The following ZCCHC4 variants were observed in gnomAD, a reference collection of about 807,000 sequenced individuals.
ZCCHC4 encodes zinc finger CCHC-type containing 4.
A neutral mutation model predicts 67.7 loss-of-function variants in ZCCHC4; 54 were observed. The observed-to-expected ratio is 0.80, with a 90% confidence interval of 0.64 to 1.00. The LOEUF (loss-of-function observed/expected upper bound fraction) is 1.00. Among genes scored for constraint, ZCCHC4 ranks in the 50% least tolerant of loss-of-function variants. ZCCHC4 has a pLI of 0.00. For synonymous variants in ZCCHC4, 198 were observed against 213.5 expected (o/e 0.93, Z 0.63); for missense variants, 609 against 617.0 (o/e 0.99, Z 0.14).
At position 25,369,076 on chromosome 4, in the gene ZCCHC4, A is replaced by T. The variant is rs1179792644; in HGVS notation, c.1454A>T (p.Glu485Val). The T allele has an allele frequency of 1.2e-6, 2 of 1,613,472 alleles. No individual in the cohort carries two copies. ...AGAAAAAGTAATAAGATGAAAATGG[A>T]GACCACGAAAGGACAATCCATGAAT... ...KQRKSNKMKM[E>V]TTKGQSMNHT... The change falls in exon 13 of 13, where the codon GAG becomes GTG. Residue 485 changes from glutamate (E) to valine (V), a missense_variant. By Grantham distance (121) the Glu-to-Val change is moderately radical. Transcript: ENST00000302874.
intron 2 of ZCCHC4, 48 bp from the exon 3 acceptor site, chr4:25,315,270 T>C (rs757070450): frequency 5.3e-6 from 8 of 1,511,718 alleles, no homozygotes; most frequent in Non-Finnish European, 6.3e-6. Flanking sequence ...TCTTCTAGGA[T>C]GATAGATATT....
intron 3 of ZCCHC4, among the ~76,000 whole-genome samples, chr4:25,323,773 CA>C (rs1718706495): frequency 6.6e-6 from 1 of 152,094 alleles, no homozygotes. Context: ...ATAAATTGCA[CA>C]TATTTAAAAT....
At chr4:25,339,353 G>T (rs1053625153) in intron 5 of ZCCHC4, among the ~76,000 whole-genome samples, 1 of 152,114 alleles carries the variant, frequency 6.6e-6, no homozygotes, top group Non-Finnish European at 1.5e-5. Context: ...ACCTTCCTGG[G>T]GAACAGCCAA....
At chr4:25,345,505 C>T in intron 5 of ZCCHC4, 43 bp from the exon 6 acceptor site, 1 of 1,073,042 alleles carries the variant, frequency 9.3e-7, no homozygotes, top group Non-Finnish European at 1.4e-6. Flanking sequence ...TTTGTCTACT[C>T]TATAGCTGTG....
rs766400497 is a variant in ZCCHC4 at position 25,315,342 on chromosome 4, C to G, written c.271C>G (p.Arg91Gly). The G allele has an allele frequency of 1.9e-6, 3 of 1,612,676 alleles. No homozygotes were observed. The highest frequency in any genetic ancestry group is 2.5e-6 in the Non-Finnish European group (3 of 1,179,216). The change falls in exon 3 of 13, where the codon CGA (arginine) becomes GGA (glycine). Residue 91 changes from arginine (R) to glycine (G), a missense_variant. Transcript: ENST00000302874. ...EKLSGARLAAREAHNRRCQPP... is the reference protein window; with the variant it reads ...EKLSGARLAAGEAHNRRCQPP... ...GTTGTCAGGAGCTAGACTTGCTGCC[C>G]GAGAAGCTCATAACCGAAGATGTCA...
chr4:25,317,949 A>G lies in ZCCHC4; in HGVS notation c.329+2549A>G, dbSNP rs572314169. Among the ~76,000 whole-genome samples, 179 of 152,328 alleles carry G rather than the reference A, an allele frequency of 1.2e-3. No individual in the cohort carries two copies. In the Middle Eastern group the frequency reaches 0.014, roughly 12 times the overall value. ...TAAATGTAAAAGCAGATAGTAATAT[A>G]TGATGCATAGTGATTTAATTTGAGG... On this transcript the variant is annotated intron_variant, in intron 3 of 12. Coordinates refer to ENST00000302874, the MANE Select transcript of ZCCHC4 (RefSeq NM_024936.3).
At chr4:25,358,135 A>C (rs1460022201) in intron 8 of ZCCHC4, among the ~76,000 whole-genome samples, 2 of 152,228 alleles carry the variant, frequency 1.3e-5, no homozygotes, top group Non-Finnish European at 2.9e-5. Context: ...CTTTCAAGAT[A>C]ATCTGCTGAA....
chr4:25,330,077 C>T (rs548669933), intron 3 of ZCCHC4, among the ~76,000 whole-genome samples: 16 of 152,072 alleles, frequency 1.1e-4, no homozygotes, highest in South Asian at 1.0e-3. Context: ...CAGTAGCCTC[C>T]GTCCCTGTGT....
Position 25,334,005 on chromosome 4 carries a change from C to A in ZCCHC4, c.686+17C>A. 1.3e-6 allele frequency: 2 copies of A among 1,511,882 alleles called. No individual in the cohort carries two copies. The highest frequency in any genetic ancestry group is 1.8e-6 in the Non-Finnish European group (2 of 1,107,818). 93.7% of individuals were successfully genotyped at this position (1,511,882 alleles called of 1,614,324 possible). A position where few individuals can be genotyped will look rare whatever the true frequency, so the allele number is the denominator to read the frequency against. On this transcript the variant is annotated intron_variant, in intron 5 of 12. Transcript: ENST00000302874. ...TGATTTTCGGTAGGTTTACAAAATA[C>A]AGTATTTCCTTTCATTGTCTCCTGT...
At chr4:25,361,313 A>AT in intron 8 of ZCCHC4, among the ~76,000 whole-genome samples, 1 of 152,328 alleles carries the variant, frequency 6.6e-6, no homozygotes, top group Non-Finnish European at 1.5e-5. Flanking sequence ...CCCTATGGGC[A>AT]TGTGTCCCTG....
chr4:25,329,589 C>T (rs546173135), intron 3 of ZCCHC4, among the ~76,000 whole-genome samples: 135 of 142,500 alleles, frequency 9.5e-4, no homozygotes, highest in African/African-American at 3.5e-3. Context: ...GGCTGGAGTG[C>T]AGTGGCGTGA....
chr4:25,318,444 C>A (rs1311288173), intron 3 of ZCCHC4, among the ~76,000 whole-genome samples: 1 of 148,822 alleles, frequency 6.7e-6, no homozygotes, highest in South Asian at 2.1e-4. Context: ...GCCACCTCCA[C>A]GTCCTGGTTT....
In ZCCHC4 at chr4:25,358,687, C is replaced by T. The variant is rs533040421; in HGVS notation, c.1012-3172C>T. On this transcript the variant is annotated intron_variant, in intron 8 of 12. Coordinates refer to ENST00000302874, the MANE Select transcript of ZCCHC4 (RefSeq NM_024936.3). ...GGCCAAGGCAGCTTTCCAGCCGCAGCATGACTCAGCGGGTTTGGAGCACAG... is the reference window on the plus strand; with the variant it reads ...GGCCAAGGCAGCTTTCCAGCCGCAGTATGACTCAGCGGGTTTGGAGCACAG... Among the ~76,000 whole-genome samples the T allele has an allele frequency of 1.7e-3, 264 of 152,368 alleles. 2 individuals are homozygous for T. Among genetic ancestry groups the T allele is most frequent in the Admixed American group, 4.2e-3 (65 of 15,310 alleles).
At chr4:25,345,985 A>C (rs2109078068) in intron 6 of ZCCHC4, among the ~76,000 whole-genome samples, 1 of 152,240 alleles carries the variant, frequency 6.6e-6, no homozygotes, top group East Asian at 1.9e-4. Flanking sequence ...ACCGCAGGGA[A>C]GGTCCATGCT....
intron 3 of ZCCHC4, among the ~76,000 whole-genome samples, chr4:25,323,331 T>A (rs1560399230): frequency 6.6e-6 from 1 of 152,156 alleles, no homozygotes; most frequent in Non-Finnish European, 1.5e-5. Flanking sequence ...CTGTCCTTTT[T>A]AACTAGTTTT....
chr4:25,362,720 A>G (rs1006259799), intron 10 of ZCCHC4, among the ~76,000 whole-genome samples: 8 of 152,254 alleles, frequency 5.3e-5, no homozygotes, highest in East Asian at 1.9e-4. Flanking sequence ...AGAGCTTTAC[A>G]TGGATTAACT....
At chr4:25,328,402 G>C (rs1269717947) in intron 3 of ZCCHC4, among the ~76,000 whole-genome samples, 1 of 152,000 alleles carries the variant, frequency 6.6e-6, no homozygotes, top group Non-Finnish European at 1.5e-5. Flanking sequence ...ACCATGCCCA[G>C]CTAATTTTTG....
At chr4:25,331,184 T>C (rs1265992480) in intron 3 of ZCCHC4, among the ~76,000 whole-genome samples, 2 of 152,220 alleles carry the variant, frequency 1.3e-5, no homozygotes, top group Admixed American at 1.3e-4. Context: ...TGTTTTGGGC[T>C]GCTAGTTGTC....
Position 25,361,876 on chromosome 4 carries a change from T to C in ZCCHC4, c.1029T>C (p.His343=), listed in dbSNP as rs992974927. ...MLDYQVDYDN[H]ALYKHGKTGR... is the part of the protein sequence containing the mutation. ...CTTTCTAGGTAGATTATGATAATCA[T>C]GCACTTTATAAACACGGAAAGACAG... Residue 343 remains histidine (H), a synonymous_variant, in exon 9 of 13, where the codon CAT becomes CAC. Coordinates refer to ENST00000302874, the MANE Select transcript of ZCCHC4 (RefSeq NM_024936.3). 5 of 1,611,462 alleles carry C rather than the reference T, an allele frequency of 3.1e-6. No individual in the cohort carries two copies. The highest frequency in any genetic ancestry group is 2.2e-5 in the East Asian group (1 of 44,840).
Sources: gnomAD v4.1 joint callset for allele counts (sites outside exome capture counted in the v4.1 genomes callset) on GRCh38, gnomAD v4.1.1 for gene constraint, MANE v1.5 for transcripts, NCBI Gene and HGNC (gene_info 2026-07-23, HGNC 2026-07-21) for gene names.